Variants in RNF2 observed in about 807,000 individuals in gnomAD.
RNF2 encodes E3 ubiquitin-protein ligase RING2.
A neutral mutation model predicts 37.2 loss-of-function variants in RNF2; 6 were observed. That is an observed-to-expected ratio of 0.16 (90% CI 0.09 to 0.32). The LOEUF (loss-of-function observed/expected upper bound fraction) is 0.32, where lower values mean the gene tolerates loss of function less well. RNF2 is among the 10% of genes least tolerant of loss of function. The pLI is 1.00. For synonymous variants in RNF2, 133 were observed against 132.7 expected, an observed-to-expected ratio of 1.00 and a Z score of -0.02; for missense variants, 251 against 404.0, an observed-to-expected ratio of 0.62 and a Z score of 3.25.
intron 1 of RNF2, among the ~76,000 whole-genome samples, chr1:185,051,816 A>G (rs1204211007): frequency 6.7e-6 from 1 of 149,908 alleles, no homozygotes; most frequent in Non-Finnish European, 1.5e-5. Flanking sequence ...TTACATATAT[A>G]TACACACATT....
chr1:185,080,867 A>T (rs145794257), intron 1 of RNF2, among the ~76,000 whole-genome samples: 1 of 152,176 alleles, frequency 6.6e-6, no homozygotes, highest in African/African-American at 2.4e-5. Context: ...AGTTCCTATT[A>T]ATTTTCCAGG....
In RNF2 at chr1:185,100,544, T is replaced by G. The variant is rs1370673482; in HGVS notation, c.*243T>G. ...AAAAATATATCTGAAGTTTCTTGTG[T>G]TTTTTTTTTTCCCCACAAAGTGTGT... On this transcript the variant is annotated 3_prime_UTR_variant, in exon 7 of 7. Transcript: ENST00000367510. The G allele has an allele frequency of 1.0e-4, 13 of 123,894 alleles. No homozygotes were observed. The highest frequency in any genetic ancestry group is 1.6e-4 in the Non-Finnish European group (12 of 77,256). 7.7% of individuals were successfully genotyped at this position (123,894 alleles called of 1,614,324 possible). A position where few individuals can be genotyped will look rare whatever the true frequency, so the allele number is the denominator to read the frequency against.
intron 1 of RNF2, among the ~76,000 whole-genome samples, chr1:185,068,004 C>T (rs1461795168): frequency 1.8e-4 from 7 of 39,190 alleles, no homozygotes; most frequent in African/African-American, 7.8e-4. Context: ...CCACAGCGCC[C>T]GGCCTTTTTT....
chr1:185,085,096 T>A (rs1651542053), intron 1 of RNF2, among the ~76,000 whole-genome samples: 1 of 150,820 alleles, frequency 6.6e-6, no homozygotes, highest in Non-Finnish European at 1.5e-5. Context: ...TCTCTCTCAA[T>A]AAAAAATGGT....
At chr1:185,074,208 C>T (rs1183864874) in intron 1 of RNF2, among the ~76,000 whole-genome samples, 1 of 152,182 alleles carries the variant, frequency 6.6e-6, no homozygotes, top group African/African-American at 2.4e-5. Flanking sequence ...GTGTATCACC[C>T]TTCTGGCACC....
intron 1 of RNF2, among the ~76,000 whole-genome samples, chr1:185,073,331 A>T (rs1651044806): frequency 1.3e-5 from 2 of 152,252 alleles, no homozygotes; most frequent in South Asian, 4.1e-4. Context: ...TAAATTTATT[A>T]AGAGAGTTAT....
intron 1 of RNF2, among the ~76,000 whole-genome samples, chr1:185,060,891 G>C (rs529457383): frequency 6.6e-6 from 1 of 152,296 alleles, no homozygotes; most frequent in East Asian, 1.9e-4. Context: ...GGCTGAGGTA[G>C]GAAGATCACT....
intron 1 of RNF2, among the ~76,000 whole-genome samples, chr1:185,078,889 C>G (rs1379118756): frequency 1.3e-5 from 2 of 152,136 alleles, no homozygotes; most frequent in African/African-American, 2.4e-5. Flanking sequence ...TACTAAAATA[C>G]AAAAATTTGC....
intron 2 of RNF2, among the ~76,000 whole-genome samples, chr1:185,090,559 A>G (rs1324996231): frequency 2.0e-5 from 3 of 152,230 alleles, no homozygotes; most frequent in African/African-American, 7.2e-5. Flanking sequence ...AACAATAGCT[A>G]TAGTTTCTAT....
At chr1:185,098,414 G>A in intron 5 of RNF2, 70 bp downstream of exon 5, 3 of 1,524,384 alleles carry the variant, frequency 2.0e-6, no homozygotes, top group Non-Finnish European at 2.7e-6. Flanking sequence ...AGGCAGTCTT[G>A]TATAAGAAGT....
In RNF2 at chr1:185,098,105, T is replaced by C. The variant is rs556376430; in HGVS notation, c.498T>C (p.Asn166=). 1.6e-5 allele frequency: 26 copies of C among 1,614,096 alleles called. No individual in the cohort carries two copies. The highest frequency in any genetic ancestry group is 5.0e-5 in the Admixed American group (3 of 60,018). Residue 166 remains asparagine, a synonymous_variant, in exon 5 of 7, where the codon AAT becomes AAC. Coordinates refer to ENST00000367510, the MANE Select transcript of RNF2 (RefSeq NM_007212.4). ...LQRGKKQQIE[N]GSGAEDNGDS... is the part of the protein sequence containing the mutation. ...GAGGCAAGAAACAACAGATTGAAAATGGTAGTGGAGCAGAAGATAATGGTG... is the reference window on the plus strand; with the variant it reads ...GAGGCAAGAAACAACAGATTGAAAACGGTAGTGGAGCAGAAGATAATGGTG...
chr1:185,075,637 G>A (rs1444329786), intron 1 of RNF2, among the ~76,000 whole-genome samples: 2 of 152,010 alleles, frequency 1.3e-5, no homozygotes, highest in Non-Finnish European at 1.5e-5. Context: ...GGGTGAGCAG[G>A]CAGGTCCTAC....
chr1:185,076,723 A>G (rs1040022892), intron 1 of RNF2, among the ~76,000 whole-genome samples: 2 of 151,484 alleles, frequency 1.3e-5, no homozygotes, highest in African/African-American at 2.4e-5. Context: ...CTAAATTCAC[A>G]TATCTGTTTT....
intron 2 of RNF2, among the ~76,000 whole-genome samples, chr1:185,089,322 C>T (rs1298617744): frequency 1.3e-5 from 2 of 152,162 alleles, no homozygotes; most frequent in African/African-American, 2.4e-5. Flanking sequence ...TTCGGGACCC[C>T]TGATTTAAAG....
At chr1:185,077,731 CTGT>C (rs780416857) in intron 1 of RNF2, among the ~76,000 whole-genome samples, 23 of 122,964 alleles carry the variant, frequency 1.9e-4, no homozygotes, top group African/African-American at 4.3e-4. Context: ...TTTTTTTGGG[CTGT>C]TGTTGTTTGA....
At chr1:185,091,513 A>G in intron 2 of RNF2, 66 bp from the exon 3 acceptor site, 2 of 1,484,190 alleles carry the variant, frequency 1.3e-6, no homozygotes, top group Non-Finnish European at 1.9e-6. Context: ...CAGTACTTTT[A>G]TATGTTTGAG....
At chr1:185,086,398 T>C (rs1651602686) in intron 1 of RNF2, among the ~76,000 whole-genome samples, 2 of 152,084 alleles carry the variant, frequency 1.3e-5, no homozygotes, top group African/African-American at 4.8e-5. Flanking sequence ...ATATTTATAC[T>C]AGATGTCCCC....
intron 1 of RNF2, among the ~76,000 whole-genome samples, chr1:185,081,342 G>A (rs552226882): frequency 6.6e-5 from 10 of 151,938 alleles, no homozygotes; most frequent in South Asian, 6.2e-4. Flanking sequence ...GTTGGTTGGC[G>A]AGAGGTCCGA....
At chr1:185,054,421 T>C (rs1650367326) in intron 1 of RNF2, among the ~76,000 whole-genome samples, 1 of 152,198 alleles carries the variant, frequency 6.6e-6, no homozygotes. Flanking sequence ...CTCTGTGTCC[T>C]GGGGCACGTC....
Sources: gnomAD v4.1 joint callset for allele counts (sites outside exome capture counted in the v4.1 genomes callset) on GRCh38, gnomAD v4.1.1 for gene constraint, MANE v1.5 for transcripts, NCBI Gene and HGNC (gene_info 2026-07-23, HGNC 2026-07-21) for gene names.